The following TPTE variants were observed in gnomAD, a reference collection of about 807,000 sequenced individuals.
TPTE encodes the protein transmembrane phosphatase with tensin homology, also known as putative tyrosine-protein phosphatase TPTE.
In TPTE, 59 loss-of-function variants were observed where a neutral mutation model predicts 84.1. The observed-to-expected ratio is 0.70, with a 90% CI of 0.57 to 0.87. TPTE has a LOEUF of 0.87. Among genes scored for constraint, TPTE ranks in the 40% least tolerant of loss-of-function variants. The pLI, the probability that TPTE is intolerant of heterozygous loss-of-function variation, is 0.00. For synonymous variants in TPTE, 130 were observed against 223.5 expected, an observed-to-expected ratio of 0.58 and a Z score of 3.73; for missense variants, 382 against 659.6, an observed-to-expected ratio of 0.58 and a Z score of 4.61.
chr21:10,572,869 C>T (rs1373542786), intron 14 of TPTE, among the ~76,000 whole-genome samples: 3 of 152,272 alleles, frequency 2.0e-5, no homozygotes, highest in African/African-American at 7.2e-5. Context: ...CAAACTTTGT[C>T]ACTACAGAAA....
At chr21:10,572,462 A>G (rs1337791854) in intron 14 of TPTE, among the ~76,000 whole-genome samples, 2 of 152,192 alleles carry the variant, frequency 1.3e-5, no homozygotes, top group Non-Finnish European at 2.9e-5. Context: ...AAAAAAAAAA[A>G]AAAAAAAAAA....
At chr21:10,536,358 T>G (rs923917172) in intron 3 of TPTE, among the ~76,000 whole-genome samples, 11 of 152,416 alleles carry the variant, frequency 7.2e-5, no homozygotes, top group Admixed American at 2.6e-4. Context: ...GTAGAGTAAC[T>G]GTAGCTGTTT....
intron 18 of TPTE, among the ~76,000 whole-genome samples, chr21:10,591,183 A>G: frequency 6.6e-6 from 1 of 152,430 alleles, no homozygotes; most frequent in South Asian, 2.1e-4. Context: ...ACCTCTAAAA[A>G]TTTCTGATAA....
chr21:10,592,989 G>A (rs2075513920), intron 19 of TPTE, among the ~76,000 whole-genome samples: 1 of 152,262 alleles, frequency 6.6e-6, no homozygotes, highest in African/African-American at 2.4e-5. Flanking sequence ...CTGTTACTCT[G>A]TTTTTTCTTT....
chr21:10,565,246 C>T (rs1449465925), intron 10 of TPTE, among the ~76,000 whole-genome samples: 1 of 152,308 alleles, frequency 6.6e-6, no homozygotes, highest in African/African-American at 2.4e-5. Context: ...AAAAAGTGGT[C>T]CTATATACAA....
intron 10 of TPTE, among the ~76,000 whole-genome samples, chr21:10,563,896 C>T (rs2074859730): frequency 6.6e-6 from 1 of 152,308 alleles, no homozygotes; most frequent in South Asian, 2.1e-4. Context: ...TGGCTCACGC[C>T]TGTAATCCCA....
chr21:10,561,237 T>C, intron 10 of TPTE, 46 bp downstream of exon 10: 1 of 1,605,198 alleles, frequency 6.2e-7, no homozygotes, highest in Non-Finnish European at 8.5e-7. Flanking sequence ...TTTGTAGTTT[T>C]ATAAGAAGCA....
chr21:10,565,663 G>C (rs1248211340), intron 10 of TPTE, among the ~76,000 whole-genome samples: 3 of 152,304 alleles, frequency 2.0e-5, no homozygotes, highest in Non-Finnish European at 4.4e-5. Flanking sequence ...CAGACACACA[G>C]ACCACTGGAA....
At chr21:10,541,350 T>C (rs2074366513) in intron 5 of TPTE, among the ~76,000 whole-genome samples, 185 bp downstream of exon 5, 1 of 152,298 alleles carries the variant, frequency 6.6e-6, no homozygotes. Flanking sequence ...CAGGTGCCTC[T>C]AATCCCAGCT....
At chr21:10,602,222 C>G in intron 22 of TPTE, 72 bp downstream of exon 22, 1 of 1,549,084 alleles carries the variant, frequency 6.5e-7, no homozygotes. Flanking sequence ...ATTTGCTTTA[C>G]TACAATTCCC....
At chr21:10,524,071 C>T (rs1255102280) in intron 1 of TPTE, among the ~76,000 whole-genome samples, 2 of 152,430 alleles carry the variant, frequency 1.3e-5, no homozygotes, top group East Asian at 1.9e-4. Context: ...ATCACAAGAG[C>T]GCTAGGATTC....
chr21:10,605,380 C>A, intron 23 of TPTE, 37 bp from the exon 24 acceptor site: 2 of 1,606,552 alleles, frequency 1.2e-6, no homozygotes, highest in South Asian at 1.1e-5. Context: ...TTCAGTGAGC[C>A]CCAATATAAA....
In TPTE at chr21:10,533,137, C is replaced by T. The variant is rs572816065; in HGVS notation, c.-43-5544C>T. On this transcript the variant is annotated intron_variant, in intron 3 of 23. Transcript: ENST00000618007. ...CCATAACATTCTTCTTTAGTATGTT[C>T]TCTTTATTCTTTTCTACTATTTTCT... 5.9e-5 allele frequency among the ~76,000 whole-genome samples: 9 copies of T among 152,416 alleles called. No individual in the cohort carries two copies. The South Asian group carries it at 1.4e-3, about 25-fold the overall frequency.
chr21:10,573,395 G>C (rs577594271), intron 14 of TPTE, among the ~76,000 whole-genome samples: 45 of 152,376 alleles, frequency 3.0e-4, no homozygotes, highest in African/African-American at 1.1e-3. Flanking sequence ...TGCAGTAACA[G>C]TTGGGGCCTT....
At chr21:10,589,028 G>A (rs1600964295) in intron 17 of TPTE, among the ~76,000 whole-genome samples, 1 of 152,428 alleles carries the variant, frequency 6.6e-6, no homozygotes, top group East Asian at 1.9e-4. Flanking sequence ...AGCATTGCCA[G>A]AGAGCTATTG....
At chr21:10,596,496 C>T (rs112538724) in intron 20 of TPTE, among the ~76,000 whole-genome samples, 270 of 151,758 alleles carry the variant, frequency 1.8e-3, no homozygotes, top group African/African-American at 6.4e-3. Flanking sequence ...GTCTCCGTAT[C>T]GTATCATTTT....
At chr21:10,559,038 C>T (rs1249383709) in intron 8 of TPTE, among the ~76,000 whole-genome samples, 2 of 152,306 alleles carry the variant, frequency 1.3e-5, no homozygotes, top group African/African-American at 2.4e-5. Context: ...GAGGAGATGA[C>T]AAGAGCATCA....
chr21:10,535,827 A>G (rs2145599844), intron 3 of TPTE, among the ~76,000 whole-genome samples: 1 of 152,426 alleles, frequency 6.6e-6, no homozygotes, highest in Non-Finnish European at 1.5e-5. Context: ...TTTTGTAGGG[A>G]GTTCCTGACT....
intron 3 of TPTE, among the ~76,000 whole-genome samples, chr21:10,536,613 G>A (rs1453837820): frequency 2.0e-5 from 3 of 152,312 alleles, no homozygotes; most frequent in Non-Finnish European, 4.4e-5. Flanking sequence ...AGAGAGAATC[G>A]ACAGAGAGAA....
Sources: allele counts gnomAD v4.1 joint callset (sites outside exome capture counted in the v4.1 genomes callset), GRCh38; gene constraint gnomAD v4.1.1; transcripts MANE v1.5; gene names NCBI Gene and HGNC (gene_info 2026-07-23, HGNC 2026-07-21).